The following LEKR1 variants were observed in gnomAD, a reference collection of about 807,000 sequenced individuals.
The protein encoded by LEKR1 is protein LEKR1.
Under a neutral mutation model 72.4 loss-of-function variants are expected in LEKR1, and 59 were observed. The observed-to-expected ratio is 0.82, with a 90% CI of 0.66 to 1.01. LEKR1 has a LOEUF of 1.01. LEKR1 is among the 50% of genes least tolerant of loss of function. The pLI, the probability that LEKR1 is intolerant of heterozygous loss-of-function variation, is 0.00. For synonymous variants in LEKR1, 257 were observed against 263.2 expected, an observed-to-expected ratio of 0.98 and a Z score of 0.23; for missense variants, 728 against 759.2, an observed-to-expected ratio of 0.96 and a Z score of 0.48.
chr3:156,826,514 T>G lies in LEKR1; in HGVS notation c.-45+138T>G, dbSNP rs191346410. ...CCCAGCGAGAGCACGAGGCCCCGGG[T>G]CTGGACTCCGCCACCACGCTCCTCT... On this transcript the variant is annotated intron_variant, in intron 1 of 12. Transcript: ENST00000356539. 4.7e-3 allele frequency: 723 copies of G among 153,984 alleles called. 4 individuals carry two copies. The highest frequency in any genetic ancestry group is 0.026 in the Middle Eastern group (35 of 1,322). 9.5% of individuals were successfully genotyped at this position (153,984 alleles called of 1,614,324 possible).
intron 6 of LEKR1, among the ~76,000 whole-genome samples, chr3:156,973,565 G>A (rs1287483690): frequency 2.0e-5 from 3 of 152,090 alleles, no homozygotes; most frequent in African/African-American, 7.2e-5. Context: ...AAATAACTGG[G>A]TCACATGCTG....
At chr3:156,888,235 T>G in intron 3 of LEKR1, 1 of 683,460 alleles carries the variant, frequency 1.5e-6, no homozygotes, top group Non-Finnish European at 2.7e-6. Context: ...TGGTCAACAC[T>G]TTTATTTAAA....
chr3:157,005,999 A>T (rs939387863), intron 9 of LEKR1, among the ~76,000 whole-genome samples: 1 of 140,964 alleles, frequency 7.1e-6, no homozygotes, highest in Admixed American at 7.1e-5. Flanking sequence ...ACTACTATAC[A>T]TTTTTTTTTT....
At chr3:156,897,253 G>A (rs1288807020) in intron 3 of LEKR1, among the ~76,000 whole-genome samples, 1 of 152,100 alleles carries the variant, frequency 6.6e-6, no homozygotes, top group Admixed American at 6.6e-5. Context: ...TCGGAGATGG[G>A]GCCTTTGTGG....
chr3:156,982,905 A>AGATG (rs1352142077), intron 7 of LEKR1, among the ~76,000 whole-genome samples: 1 of 137,864 alleles, frequency 7.3e-6, no homozygotes, highest in African/African-American at 2.5e-5. Context: ...ATAGATAGAT[A>AGATG]GATGGAAGAG....
intron 3 of LEKR1, among the ~76,000 whole-genome samples, chr3:156,880,431 T>C (rs1030652103): frequency 2.0e-5 from 3 of 152,032 alleles, no homozygotes; most frequent in African/African-American, 7.2e-5. Context: ...ACACATACAC[T>C]CTCCCAAGAC....
At chr3:156,947,685 A>G (rs1726804717) in intron 6 of LEKR1, among the ~76,000 whole-genome samples, 1 of 151,124 alleles carries the variant, frequency 6.6e-6, no homozygotes, top group South Asian at 2.1e-4. Context: ...AAAAAATCAT[A>G]TTGAACCATA....
intron 3 of LEKR1, among the ~76,000 whole-genome samples, chr3:156,918,355 G>A (rs1420439087): frequency 1.3e-5 from 2 of 152,228 alleles, no homozygotes; most frequent in Admixed American, 1.3e-4. Flanking sequence ...GCTAAGTATG[G>A]CCATGTATCT....
intron 10 of LEKR1, among the ~76,000 whole-genome samples, chr3:157,020,727 C>T (rs1396754933): frequency 5.3e-5 from 8 of 151,926 alleles, no homozygotes; most frequent in African/African-American, 1.2e-4. Context: ...TGAATAATGC[C>T]GCAGTAAACA....
At chr3:157,042,689 C>G (rs879847175) in intron 12 of LEKR1, among the ~76,000 whole-genome samples, 1 of 152,056 alleles carries the variant, frequency 6.6e-6, no homozygotes, top group African/African-American at 2.4e-5. Context: ...ATTTATTTTT[C>G]TTTTAAGAAG....
chr3:156,867,645 A>G (rs928909501), intron 3 of LEKR1, among the ~76,000 whole-genome samples: 1 of 152,064 alleles, frequency 6.6e-6, no homozygotes, highest in Non-Finnish European at 1.5e-5. Context: ...GATATTGGAT[A>G]GCACTTATAT....
chr3:156,831,381 T>C (rs1186831128), intron 2 of LEKR1, among the ~76,000 whole-genome samples: 1 of 152,250 alleles, frequency 6.6e-6, no homozygotes, highest in Non-Finnish European at 1.5e-5. Flanking sequence ...CTAATTCTCT[T>C]AACCTTTTGG....
chr3:157,013,441 C>T (rs115867832), intron 10 of LEKR1, among the ~76,000 whole-genome samples: 123 of 152,184 alleles, frequency 8.1e-4, no homozygotes, highest in African/African-American at 2.6e-3. Flanking sequence ...CATTTATGTT[C>T]TTGCTTTATG....
intron 2 of LEKR1, among the ~76,000 whole-genome samples, chr3:156,833,182 C>T (rs1265077136): frequency 6.6e-6 from 1 of 152,156 alleles, no homozygotes; most frequent in Non-Finnish European, 1.5e-5. Flanking sequence ...TTTCATTATT[C>T]TCTTAGTTCA....
At chr3:157,037,483 T>C (rs957970018) in intron 12 of LEKR1, among the ~76,000 whole-genome samples, 1 of 152,030 alleles carries the variant, frequency 6.6e-6, no homozygotes, top group Non-Finnish European at 1.5e-5. Flanking sequence ...CAACAGAATA[T>C]AAACCTTAAT....
intron 2 of LEKR1, among the ~76,000 whole-genome samples, chr3:156,843,219 T>C (rs1714158093): frequency 1.3e-5 from 2 of 152,204 alleles, no homozygotes; most frequent in South Asian, 4.1e-4. Context: ...GTATATCTCT[T>C]CCCCTCATGA....
At chr3:157,028,463 C>G in intron 12 of LEKR1, 61 bp downstream of exon 12, 2 of 1,402,260 alleles carry the variant, frequency 1.4e-6, no homozygotes, top group Non-Finnish European at 1.9e-6. Context: ...TTTCAACAAA[C>G]AAACAAAAAC....
At chr3:156,904,417 GT>G (rs201230976) in intron 3 of LEKR1, among the ~76,000 whole-genome samples, 176 of 139,034 alleles carry the variant, frequency 1.3e-3, no homozygotes, top group South Asian at 3.9e-3. Flanking sequence ...ACAGAATCAT[GT>G]TTTTTTTTTT....
At chr3:157,034,441 C>T (rs10936056) in intron 12 of LEKR1, among the ~76,000 whole-genome samples, 15,010 of 152,120 alleles carry the variant, frequency 0.099, 809 homozygotes, top group East Asian at 0.16. Context: ...TTTAAAACTT[C>T]AGTGGAGGAA....
Sources: gnomAD v4.1 joint callset for allele counts (sites outside exome capture counted in the v4.1 genomes callset) on GRCh38, gnomAD v4.1.1 for gene constraint, MANE v1.5 for transcripts, NCBI Gene and HGNC (gene_info 2026-07-23, HGNC 2026-07-21) for gene names.